The following TCF4 variants were observed in gnomAD, a reference collection of about 807,000 sequenced individuals.
TCF4 encodes the protein transcription factor 4.
A neutral mutation model predicts 82.1 loss-of-function variants in TCF4; 3 were observed. That is an observed-to-expected ratio of 0.04 (90% CI 0.02 to 0.09). The LOEUF (loss-of-function observed/expected upper bound fraction) is 0.09. TCF4 is among the 10% of genes least tolerant of loss of function. The probability of loss-of-function intolerance (pLI) is 1.00; values close to 1 mark genes in which losing one functional copy is unlikely to be tolerated. For missense variants in TCF4, 518 were observed against 852.7 expected (o/e 0.61, Z 4.89); for synonymous variants, 276 against 309.6 (o/e 0.89, Z 1.14).
intron 4 of TCF4, among the ~76,000 whole-genome samples, chr18:55,462,904 C>A (rs9955429): frequency 0.01 from 1,537 of 152,178 alleles, 25 homozygotes; most frequent in African/African-American, 0.035. Flanking sequence ...CCTGCTGTAC[C>A]CTGAACACTA....
At chr18:55,381,909 G>T (rs1280070758) in intron 6 of TCF4, among the ~76,000 whole-genome samples, 7 of 148,514 alleles carry the variant, frequency 4.7e-5, no homozygotes, top group African/African-American at 1.8e-4. Context: ...ACTCTAGAAG[G>T]GTTTTTTTTT....
chr18:55,366,697 A>C (rs958948135), intron 6 of TCF4, among the ~76,000 whole-genome samples: 2 of 152,240 alleles, frequency 1.3e-5, no homozygotes, highest in African/African-American at 2.4e-5. Flanking sequence ...CAATTTTGGC[A>C]CATGTATTTG....
At chr18:55,458,817 C>A (rs907151706) in intron 5 of TCF4, among the ~76,000 whole-genome samples, 1 of 152,126 alleles carries the variant, frequency 6.6e-6, no homozygotes, top group African/African-American at 2.4e-5. Flanking sequence ...ATACTTGTTT[C>A]AATGTCTTTT....
Position 55,354,137 on chromosome 18 carries a change from C to T in TCF4, c.370-3134G>A, listed in dbSNP as rs556807995. On this transcript the variant is annotated intron_variant, in intron 6 of 19. Coordinates refer to ENST00000354452, the MANE Select transcript of TCF4 (RefSeq NM_001083962.2). ...GATGAGACAAGCCCTTCCCCTTACT[C>T]GCTCCTAATTTTTTTTCCCAAAAGA... 2.1e-3 allele frequency among the ~76,000 whole-genome samples: 320 copies of T among 152,188 alleles called. 1 individual carries two copies. The highest frequency in any genetic ancestry group is 5.6e-3 in the South Asian group (27 of 4,818).
At chr18:55,550,684 TG>T (rs1453851876) in intron 3 of TCF4, 2 of 152,204 alleles carry the variant, frequency 1.3e-5, no homozygotes, top group Non-Finnish European at 2.9e-5. Context: ...CCAACTACAC[TG>T]GGCGCATGAC....
upstream of TCF4, among the ~76,000 whole-genome samples, chr18:55,592,544 G>T (rs1280759885): frequency 6.6e-6 from 1 of 152,076 alleles, no homozygotes; most frequent in African/African-American, 2.4e-5. Context: ...CCTAATACTA[G>T]CACATTGGGA....
chr18:55,535,788 G>T (rs1395705629), intron 3 of TCF4, among the ~76,000 whole-genome samples: 1 of 152,118 alleles, frequency 6.6e-6, no homozygotes, highest in Non-Finnish European at 1.5e-5. Flanking sequence ...TCAGTTCAAG[G>T]CATTCTATGA....
chr18:55,311,438 A>G (rs1385470812), intron 8 of TCF4, among the ~76,000 whole-genome samples: 1 of 152,196 alleles, frequency 6.6e-6, no homozygotes, highest in Admixed American at 6.5e-5. Context: ...AGTTGTGACA[A>G]TCAAAAGCGT....
intron 8 of TCF4, among the ~76,000 whole-genome samples, chr18:55,305,039 C>T (rs1452327832): frequency 2.0e-5 from 3 of 152,098 alleles, no homozygotes; most frequent in African/African-American, 7.2e-5. Flanking sequence ...AAAATGTTTG[C>T]TTTTTCTGTC....
intron 4 of TCF4, among the ~76,000 whole-genome samples, chr18:55,461,736 T>C (rs537988118): frequency 2.0e-5 from 3 of 152,204 alleles, no homozygotes; most frequent in African/African-American, 7.2e-5. Context: ...ATTTCTGGAG[T>C]TGGACAAAGC....
intron 6 of TCF4, 72 bp downstream of exon 6, chr18:55,403,382 T>C (rs2093931844): frequency 6.4e-7 from 1 of 1,557,574 alleles, no homozygotes; most frequent in Non-Finnish European, 8.9e-7. Context: ...AAATGCATCA[T>C]CTAATTTAGA....
chr18:55,543,100 G>T (rs1468594544), intron 3 of TCF4, among the ~76,000 whole-genome samples: 1 of 151,964 alleles, frequency 6.6e-6, no homozygotes, highest in South Asian at 2.1e-4. Flanking sequence ...AAATTAAATG[G>T]GATGAAATTA....
intron 3 of TCF4, among the ~76,000 whole-genome samples, chr18:55,534,280 T>C (rs569981421): frequency 1.3e-5 from 2 of 152,220 alleles, no homozygotes; most frequent in Non-Finnish European, 2.9e-5. Context: ...GACTGGGCCT[T>C]CATGGAACTT....
intron 6 of TCF4, among the ~76,000 whole-genome samples, chr18:55,403,101 G>T (rs2093917014): frequency 6.6e-6 from 1 of 152,066 alleles, no homozygotes; most frequent in African/African-American, 2.4e-5. Flanking sequence ...ACATGACTCC[G>T]CGAAGTATTT....
rs192818937 is a variant in TCF4, at chr18:55,505,001, C to T, written c.146-40864G>A. Among the ~76,000 whole-genome samples the T allele has an allele frequency of 1.3e-4, 20 of 152,196 alleles. No individual in the cohort carries two copies. In the South Asian group the frequency reaches 3.1e-3, roughly 24 times the overall value. On this transcript the variant is annotated intron_variant, in intron 3 of 19. Transcript: ENST00000354452. ...GATGCTGGAATAGTGCCCAGTTATC[C>T]GTCTTACCTACAGCAATAAAACTGT...
chr18:55,464,327 T>C (rs182727237), intron 3 of TCF4, among the ~76,000 whole-genome samples, 190 bp from the exon 4 acceptor site: 100 of 152,294 alleles, frequency 6.6e-4, no homozygotes, highest in African/African-American at 2.3e-3. Context: ...ACAGTAGAAA[T>C]GAACTGGACC....
At chr18:55,598,245 TG>T (rs2097693218) in intron 2 of TCF4, among the ~76,000 whole-genome samples, 2 of 152,280 alleles carry the variant, frequency 1.3e-5, no homozygotes, top group South Asian at 4.1e-4. Context: ...GAGAAAAGAA[TG>T]TCCTGGGCTG....
intron 5 of TCF4, among the ~76,000 whole-genome samples, chr18:55,409,436 A>G (rs2094245590): frequency 6.6e-6 from 1 of 152,092 alleles, no homozygotes. Flanking sequence ...TCTAACTCCT[A>G]TGCTCAAGGA....
At chr18:55,289,219 C>T (rs1301247674) in intron 8 of TCF4, among the ~76,000 whole-genome samples, 3 of 152,194 alleles carry the variant, frequency 2.0e-5, no homozygotes, top group Non-Finnish European at 2.9e-5. Context: ...GGTTACACTC[C>T]TTATGTTACT....
Sources: allele counts gnomAD v4.1 joint callset (sites outside exome capture counted in the v4.1 genomes callset), GRCh38; gene constraint gnomAD v4.1.1; transcripts MANE v1.5; gene names NCBI Gene and HGNC (gene_info 2026-07-23, HGNC 2026-07-21).